The following CLASP2 variants were observed in gnomAD, a reference collection of about 807,000 sequenced individuals.
The protein encoded by CLASP2 is cytoplasmic linker associated protein 2.
In CLASP2, 47 loss-of-function variants were observed where a neutral mutation model predicts 194.4. The observed-to-expected ratio is 0.24, with a 90% CI of 0.19 to 0.31. The LOEUF (loss-of-function observed/expected upper bound fraction) is 0.31. Ranked by LOEUF, CLASP2 falls within the 10% of genes least tolerant of loss-of-function variation. CLASP2 has a pLI of 1.00. For missense variants in CLASP2, 1,445 were observed against 1,823.6 expected (o/e 0.79, Z 3.78); for synonymous variants, 619 against 633.5 (o/e 0.98, Z 0.34).
chr3:33,571,082 C>T (rs1332823842), intron 25 of CLASP2, among the ~76,000 whole-genome samples: 7 of 146,822 alleles, frequency 4.8e-5, no homozygotes, highest in Non-Finnish European at 8.9e-5. Context: ...GGCGCGATCT[C>T]GGCTCACTGC....
chr3:33,584,816 T>G lies in CLASP2; in HGVS notation c.2173A>C (p.Lys725Gln), dbSNP rs770770692. The G allele has an allele frequency of 1.9e-6, 3 of 1,613,750 alleles. No homozygotes were observed. In the East Asian group the frequency reaches 6.7e-5, roughly 36 times the overall value. ...RVLVNSASAQKRSKIPRSQGC... is the reference protein window; with the variant it reads ...RVLVNSASAQQRSKIPRSQGC... ...TGGCTCCGTGGTATCTTGCTTCTTTTTTGTGCTGAGGCTGAATTGACCAGG... is the reference window on the plus strand; with the variant it reads ...TGGCTCCGTGGTATCTTGCTTCTTTGTTGTGCTGAGGCTGAATTGACCAGG... The change falls in exon 22 of 39, where the codon AAA becomes CAA. Residue 725 changes from lysine to glutamine, a missense_variant. This residue lies in a region of CLASP2 where 732 missense variants were observed against 987.9 expected (regional missense o/e 0.74). Coordinates refer to ENST00000682230, the MANE Select transcript of CLASP2 (RefSeq NM_001365631.1).
At chr3:33,695,220 A>ATTTTCTTT (rs2091754700) in intron 2 of CLASP2, among the ~76,000 whole-genome samples, 1 of 103,840 alleles carries the variant, frequency 9.6e-6, no homozygotes, top group Non-Finnish European at 1.9e-5. Context: ...AAGCCTGCTA[A>ATTTTCTTT]TTTTTTTTTT....
intron 1 of CLASP2, among the ~76,000 whole-genome samples, chr3:33,704,569 C>T (rs898257131): frequency 1.2e-4 from 18 of 151,832 alleles, no homozygotes; most frequent in East Asian, 7.7e-4. Flanking sequence ...CTGGCTAACA[C>T]GGTGAAACCC....
intron 13 of CLASP2, among the ~76,000 whole-genome samples, chr3:33,609,316 AT>A (rs1033317252): frequency 4.6e-5 from 7 of 152,194 alleles, no homozygotes; most frequent in African/African-American, 1.7e-4. Context: ...AGTTTCATTT[AT>A]TAATTTAAAA....
rs761762860 is a variant in CLASP2 at position 33,717,886 on chromosome 3, C to G, written c.117G>C (p.Ser39=). The G allele has an allele frequency of 3.8e-5, 59 of 1,558,790 alleles. No homozygotes were observed. Among genetic ancestry groups the G allele is most frequent in the Non-Finnish European group, 5.0e-5 (58 of 1,152,000 alleles). Residue 39 remains serine, a synonymous_variant, in exon 1 of 39, where the codon TCG becomes TCC. Transcript: ENST00000682230. ...GGCGGCCCAGGTCCTCCTCCAGGTC[C>G]GAGATGGCGCCGGGGGCGCCAAGGT... ...LLYLGAPGAI[S]DLEEDLGRLG...
intron 18 of CLASP2, among the ~76,000 whole-genome samples, chr3:33,600,943 C>T (rs1384498662): frequency 1.4e-5 from 2 of 143,944 alleles, no homozygotes; most frequent in African/African-American, 5.1e-5. Context: ...ATCAGTGTTG[C>T]TTGATAAGGC....
chr3:33,498,795 A>C, intron 38 of CLASP2, 78 bp from the exon 39 acceptor site: 2 of 733,410 alleles, frequency 2.7e-6, no homozygotes, highest in South Asian at 4.4e-5. Context: ...TATTATATAC[A>C]TATATGTGAG....
At chr3:33,555,764 G>A (rs142171397) in intron 29 of CLASP2, among the ~76,000 whole-genome samples, 35 of 152,206 alleles carry the variant, frequency 2.3e-4, no homozygotes, top group East Asian at 1.5e-3. Context: ...AATGTATTTT[G>A]TTTATAATTT....
At chr3:33,604,100 G>T in intron 17 of CLASP2, 54 bp downstream of exon 17, 1 of 1,308,258 alleles carries the variant, frequency 7.6e-7, no homozygotes, top group East Asian at 2.5e-5. Flanking sequence ...GAGTTTGAAG[G>T]CTACTGTTTC....
chr3:33,550,485 G>T (rs992208864), intron 30 of CLASP2, among the ~76,000 whole-genome samples: 7 of 151,426 alleles, frequency 4.6e-5, no homozygotes, highest in African/African-American at 1.7e-4. Flanking sequence ...AGACAGACGT[G>T]TGTGCAGCAG....
At position 33,497,129 on chromosome 3, in the gene CLASP2, T is replaced by A. The variant is rs958833818; in HGVS notation, c.*1502A>T. The A allele has an allele frequency of 3.3e-5, 5 of 152,576 alleles. No individual in the cohort carries two copies. The highest frequency in any genetic ancestry group is 7.4e-5 in the Non-Finnish European group (5 of 68,006). The allele number at this position is 152,576 out of a possible 1,614,324, so 9.5% of individuals were successfully genotyped here. ...GTAGAGGGAGAGGATATAGAGAAAC[T>A]TTTCCTGCTGCTAGAACAGAAAGAA... is the stretch of plus-strand genomic sequence containing the variant. On this transcript the variant is annotated 3_prime_UTR_variant, in exon 39 of 39. Coordinates refer to ENST00000682230, the MANE Select transcript of CLASP2 (RefSeq NM_001365631.1).
At chr3:33,592,568 C>A in intron 20 of CLASP2, 72 bp from the exon 21 acceptor site, 1 of 1,263,702 alleles carries the variant, frequency 7.9e-7, no homozygotes, top group Non-Finnish European at 1.1e-6. Context: ...AGGAGAAAAT[C>A]TCACTATTTT....
chr3:33,633,904 C>T (rs1170740346), intron 8 of CLASP2, among the ~76,000 whole-genome samples: 1 of 152,152 alleles, frequency 6.6e-6, no homozygotes, highest in African/African-American at 2.4e-5. Flanking sequence ...ATCTAACTAA[C>T]ATATGTCTAT....
chr3:33,536,716 G>A (rs2057407011), intron 33 of CLASP2, among the ~76,000 whole-genome samples: 1 of 152,186 alleles, frequency 6.6e-6, no homozygotes, highest in Admixed American at 6.5e-5. Context: ...TAATAATCCA[G>A]GTGAGAGAAA....
At chr3:33,652,606 G>A (rs1218081360) in intron 7 of CLASP2, among the ~76,000 whole-genome samples, 1 of 152,034 alleles carries the variant, frequency 6.6e-6, no homozygotes. Context: ...ATTCTCAACG[G>A]TTTTAAATAC....
At chr3:33,571,014 A>ATTTTTTTTTTT (rs1276472825) in intron 25 of CLASP2, among the ~76,000 whole-genome samples, 1 of 127,744 alleles carries the variant, frequency 7.8e-6, no homozygotes, top group Non-Finnish European at 1.7e-5. Context: ...TGTCTCTATA[A>ATTTTTTTTTTT]ATTTTTTTTT....
chr3:33,588,482 GAATGTTTA>G (rs2067922534), intron 21 of CLASP2, among the ~76,000 whole-genome samples: 1 of 151,992 alleles, frequency 6.6e-6, no homozygotes, highest in Admixed American at 6.5e-5. Flanking sequence ...TGTTTCTTTT[GAATGTTTA>G]TATCCACGGT....
chr3:33,567,086 C>T (rs1015030513), intron 26 of CLASP2, among the ~76,000 whole-genome samples: 1 of 152,288 alleles, frequency 6.6e-6, no homozygotes, highest in Admixed American at 6.5e-5. Flanking sequence ...ACTCCCACTT[C>T]TGAATGGGGC....
rs183339910 is a variant in CLASP2 at position 33,623,001 on chromosome 3, G to A, written c.1036-721C>T. On this transcript the variant is annotated intron_variant, in intron 10 of 38. Transcript: ENST00000682230. The stretch of plus-strand genomic sequence containing the variant: ...TTTTTGTATTTTTAGTAGAGATGGG[G>A]TTTCACTGTGTTGGCCAGGCTGATC... Among the ~76,000 whole-genome samples, 199 of 152,156 alleles carry A rather than the reference G, an allele frequency of 1.3e-3. 2 individuals are homozygous for A. The highest frequency in any genetic ancestry group is 4.6e-3 in the African/African-American group (190 of 41,510).
Sources: gnomAD v4.1 joint callset for allele counts (sites outside exome capture counted in the v4.1 genomes callset) on GRCh38, gnomAD v4.1.1 for gene constraint, gnomAD v4.1.1 regional missense constraint, MANE v1.5 for transcripts, NCBI Gene and HGNC (gene_info 2026-07-23, HGNC 2026-07-21) for gene names.